The following ACVR2A variants were observed in gnomAD, a reference collection of about 807,000 sequenced individuals.
The protein encoded by ACVR2A is activin A receptor type 2A.
ACVR2A carries 7 observed loss-of-function variants against 61.4 expected under a neutral mutation model. The observed-to-expected ratio is 0.11, with a 90% CI of 0.06 to 0.21. ACVR2A has a LOEUF of 0.21. Ranked by LOEUF, ACVR2A falls within the 10% of genes least tolerant of loss-of-function variation. ACVR2A has a pLI of 1.00. For synonymous variants in ACVR2A, 193 were observed against 208.3 expected, an observed-to-expected ratio of 0.93 and a Z score of 0.63; for missense variants, 322 against 621.7, an observed-to-expected ratio of 0.52 and a Z score of 5.13.
intron 4 of ACVR2A, among the ~76,000 whole-genome samples, chr2:147,909,167 C>G (rs1043102219): frequency 2.0e-5 from 3 of 152,130 alleles, no homozygotes; most frequent in African/African-American, 7.2e-5. Flanking sequence ...CTAGTACTTA[C>G]TCCATTTTTC....
chr2:147,907,934 G>C (rs1475262854), intron 4 of ACVR2A, among the ~76,000 whole-genome samples: 3 of 151,604 alleles, frequency 2.0e-5, no homozygotes, highest in African/African-American at 4.8e-5. Flanking sequence ...AGCTACTTCG[G>C]AGGCTGAGGT....
chr2:147,889,597 A>G (rs559349369), intron 1 of ACVR2A, among the ~76,000 whole-genome samples: 9 of 152,002 alleles, frequency 5.9e-5, no homozygotes, highest in Admixed American at 1.3e-4. Context: ...ACAAAAAAAA[A>G]TTAGCCAAGC....
At chr2:147,905,435 T>G (rs1686966023) in intron 4 of ACVR2A, among the ~76,000 whole-genome samples, 1 of 152,068 alleles carries the variant, frequency 6.6e-6, no homozygotes, top group Non-Finnish European at 1.5e-5. Flanking sequence ...TTTTTTAAGC[T>G]TAGAGTTTGT....
intron 1 of ACVR2A, chr2:147,877,571 TTAAAG>T (rs1477581673): frequency 6.6e-6 from 1 of 152,212 alleles, no homozygotes; most frequent in African/African-American, 2.4e-5. Flanking sequence ...ACTGTTGAAT[TTAAAG>T]TAAGGAGTTA....
At chr2:147,907,501 T>C (rs899619786) in intron 4 of ACVR2A, among the ~76,000 whole-genome samples, 1 of 152,192 alleles carries the variant, frequency 6.6e-6, no homozygotes, top group Non-Finnish European at 1.5e-5. Flanking sequence ...CGCCAGCACC[T>C]GTTGTTTCTT....
chr2:147,857,868 G>T (rs927697012), intron 1 of ACVR2A, among the ~76,000 whole-genome samples: 1 of 152,130 alleles, frequency 6.6e-6, no homozygotes, highest in Admixed American at 6.6e-5. Context: ...ACACCTGCAG[G>T]TTTGTTACAT....
chr2:147,895,832 A>G (rs1447738372), intron 1 of ACVR2A, among the ~76,000 whole-genome samples: 1 of 152,184 alleles, frequency 6.6e-6, no homozygotes, highest in Non-Finnish European at 1.5e-5. Context: ...TCTGGTTAAC[A>G]GTAGTCTATT....
At chr2:147,904,404 C>T (rs73003430) in intron 4 of ACVR2A, among the ~76,000 whole-genome samples, 2 of 151,850 alleles carry the variant, frequency 1.3e-5, no homozygotes, top group Non-Finnish European at 2.9e-5. Context: ...GATAAAATAC[C>T]ACTTGATAAG....
rs142363392 is a variant in ACVR2A, at chr2:147,917,155, C to A, written c.673-128C>A. ...AGCTTTTTCTTATTACAAAACAGAA[C>A]AAAAAATTTTTTAAGACTTTTTTGT... On this transcript the variant is annotated intron_variant, in intron 5 of 10. Coordinates refer to ENST00000241416, the MANE Select transcript of ACVR2A (RefSeq NM_001616.5). The A allele has an allele frequency of 1.2e-5, 12 of 1,015,216 alleles. No individual in the cohort carries two copies. In the East Asian group the frequency reaches 3.6e-4, roughly 30 times the overall value. 62.9% of individuals were successfully genotyped at this position (1,015,216 alleles called of 1,614,324 possible).
chr2:147,868,638 T>C (rs1369380296), intron 1 of ACVR2A, among the ~76,000 whole-genome samples: 2 of 151,564 alleles, frequency 1.3e-5, no homozygotes, highest in African/African-American at 4.8e-5. Flanking sequence ...TATTTATTTA[T>C]TTATTTATTT....
chr2:147,887,138 G>A (rs1037213362), intron 1 of ACVR2A, among the ~76,000 whole-genome samples: 4 of 151,998 alleles, frequency 2.6e-5, no homozygotes, highest in African/African-American at 9.7e-5. Context: ...CTTGAGCCCA[G>A]GAGCTCAAGT....
chr2:147,881,361 C>A (rs1686293863), intron 1 of ACVR2A, among the ~76,000 whole-genome samples: 1 of 152,070 alleles, frequency 6.6e-6, no homozygotes. Flanking sequence ...AAAAAGATGT[C>A]AAGTCATTTC....
At chr2:147,896,663 A>G in intron 2 of ACVR2A, 155 bp downstream of exon 2, 2 of 650,006 alleles carry the variant, frequency 3.1e-6, no homozygotes, top group Non-Finnish European at 5.2e-6. Context: ...TGCTGTAATG[A>G]CAGTATATTT....
intron 1 of ACVR2A, among the ~76,000 whole-genome samples, chr2:147,852,489 G>T (rs1685471892): frequency 6.6e-6 from 1 of 152,026 alleles, no homozygotes; most frequent in Non-Finnish European, 1.5e-5. Flanking sequence ...GTAAATGTGT[G>T]CAATGAAAAA....
intron 2 of ACVR2A, among the ~76,000 whole-genome samples, chr2:147,897,784 T>C (rs1686776148): frequency 6.6e-6 from 1 of 152,212 alleles, no homozygotes; most frequent in Non-Finnish European, 1.5e-5. Context: ...ATTTAGAATG[T>C]ACTTCTAAGT....
At chr2:147,880,564 C>A (rs569542256) in intron 1 of ACVR2A, among the ~76,000 whole-genome samples, 1 of 152,056 alleles carries the variant, frequency 6.6e-6, no homozygotes, top group African/African-American at 2.4e-5. Flanking sequence ...TTCTGTCTTA[C>A]CTTGCAGGAT....
intron 1 of ACVR2A, among the ~76,000 whole-genome samples, chr2:147,852,677 G>C (rs1487529235): frequency 2.6e-5 from 4 of 152,078 alleles, no homozygotes; most frequent in African/African-American, 9.6e-5. Context: ...AACAACATTA[G>C]ATTGTAATTT....
intron 1 of ACVR2A, among the ~76,000 whole-genome samples, chr2:147,846,627 A>G (rs1030247120): frequency 4.6e-5 from 7 of 152,198 alleles, no homozygotes; most frequent in African/African-American, 1.7e-4. Flanking sequence ...AAGAAGGAAC[A>G]TGCTTAAGGC....
intron 1 of ACVR2A, among the ~76,000 whole-genome samples, chr2:147,855,773 C>T (rs184897024): frequency 4.5e-4 from 68 of 151,540 alleles, no homozygotes; most frequent in African/African-American, 1.3e-3. Context: ...AATAATGAAA[C>T]GCAGACTAGA....
Sources: gnomAD v4.1 joint callset for allele counts (sites outside exome capture counted in the v4.1 genomes callset) on GRCh38, gnomAD v4.1.1 for gene constraint, MANE v1.5 for transcripts, NCBI Gene and HGNC (gene_info 2026-07-23, HGNC 2026-07-21) for gene names.